AFDN: variants seen among roughly 807,000 people sequenced by gnomAD.
The protein encoded by AFDN is afadin.
A neutral mutation model predicts 216.6 loss-of-function variants in AFDN; 68 were observed. The observed-to-expected ratio is 0.31, with a 90% CI of 0.26 to 0.38. The LOEUF (loss-of-function observed/expected upper bound fraction) is 0.38. Ranked by LOEUF, AFDN falls within the 10% of genes least tolerant of loss-of-function variation. The pLI is 1.00. For missense variants in AFDN, 2,136 were observed against 2,342.0 expected, an observed-to-expected ratio of 0.91 and a Z score of 1.82; for synonymous variants, 868 against 853.7, an observed-to-expected ratio of 1.02 and a Z score of -0.29.
intron 2 of AFDN, among the ~76,000 whole-genome samples, chr6:167,868,493 A>G (rs1217008160): frequency 6.6e-6 from 1 of 152,170 alleles, no homozygotes; most frequent in East Asian, 1.9e-4. Context: ...TGAAAAAACA[A>G]AGACTTAATC....
intron 21 of AFDN, 77 bp downstream of exon 21, chr6:167,919,010 G>T: frequency 7.7e-7 from 1 of 1,295,002 alleles, no homozygotes; most frequent in East Asian, 2.5e-5. Flanking sequence ...CCATCTCATA[G>T]GGTAGTCCAC....
intron 32 of AFDN, chr6:167,968,764 G>A (rs531867077): frequency 2.2e-4 from 48 of 222,942 alleles, no homozygotes; most frequent in South Asian, 1.9e-3. Context: ...ACAATCCACC[G>A]AAGCCAGTAG....
intron 1 of AFDN, 41 bp downstream of exon 1, chr6:167,827,278 G>T (rs1028611757): frequency 2.3e-6 from 2 of 864,134 alleles, no homozygotes; most frequent in Non-Finnish European, 2.8e-6. Flanking sequence ...ACCCCCGCCC[G>T]CTGCGCCGCG....
At chr6:167,839,944 A>AT (rs546746962) in intron 1 of AFDN, among the ~76,000 whole-genome samples, 1 of 152,170 alleles carries the variant, frequency 6.6e-6, no homozygotes, top group Non-Finnish European at 1.5e-5. Flanking sequence ...CTTTGTACCC[A>AT]TTGTGTGTAC....
intron 1 of AFDN, among the ~76,000 whole-genome samples, chr6:167,839,552 C>A (rs1376484469): frequency 6.6e-6 from 1 of 152,110 alleles, no homozygotes; most frequent in Admixed American, 6.6e-5. Context: ...AGGAAGTGAA[C>A]AATTACCTAA....
chr6:167,950,611 C>T (rs185077195), intron 29 of AFDN, among the ~76,000 whole-genome samples: 7 of 152,288 alleles, frequency 4.6e-5, no homozygotes, highest in Admixed American at 2.0e-4. Flanking sequence ...TTGTAAAATG[C>T]AGAAAGTCAC....
intron 6 of AFDN, among the ~76,000 whole-genome samples, chr6:167,883,185 A>T (rs1480270171): frequency 1.3e-5 from 2 of 152,060 alleles, no homozygotes; most frequent in Non-Finnish European, 2.9e-5. Flanking sequence ...TGGGGAAGGA[A>T]AGTCCAGAAG....
intron 6 of AFDN, among the ~76,000 whole-genome samples, chr6:167,883,451 G>A (rs1384570899): frequency 6.6e-6 from 1 of 152,192 alleles, no homozygotes; most frequent in Non-Finnish European, 1.5e-5. Flanking sequence ...ACTCAGTGAC[G>A]TGTTGCTCTG....
At position 167,901,283 on chromosome 6, in the gene AFDN, T is replaced by G. The variant is rs141198555; in HGVS notation, c.1581-1034T>G. Among the ~76,000 whole-genome samples, 235 of 152,258 alleles carry G rather than the reference T, an allele frequency of 1.5e-3. 5 individuals are homozygous for G. Among genetic ancestry groups the G allele is most frequent in the East Asian group, 2.7e-3 (14 of 5,178 alleles). On this transcript the variant is annotated intron_variant, in intron 11 of 33. Coordinates refer to ENST00000683244, the MANE Select transcript of AFDN (RefSeq NM_001386888.1). ...TTAAATACTAATTCATCCTTGTTGG[T>G]TTCCAGGTGTTTTTAGGGCTTTTTT...
intron 1 of AFDN, among the ~76,000 whole-genome samples, chr6:167,858,357 G>T (rs777341461): frequency 2.6e-5 from 4 of 152,218 alleles, no homozygotes; most frequent in South Asian, 2.1e-4. Context: ...TTCTGGCAGA[G>T]AATTTTGTTT....
At chr6:167,826,797 G>T (rs1374234748), upstream of AFDN, 4 of 151,262 alleles carry the variant, frequency 2.6e-5, no homozygotes, top group South Asian at 7.6e-4. Flanking sequence ...CTAGTGGAGC[G>T]GCCCGGAGGT....
chr6:167,871,063 A>C (rs899533400), intron 3 of AFDN, among the ~76,000 whole-genome samples: 3 of 152,144 alleles, frequency 2.0e-5, no homozygotes, highest in African/African-American at 7.2e-5. Context: ...GTGATAGCAA[A>C]TGCAAAGGTT....
intron 15 of AFDN, among the ~76,000 whole-genome samples, chr6:167,913,013 T>G (rs1181084708): frequency 6.6e-6 from 1 of 152,206 alleles, no homozygotes; most frequent in African/African-American, 2.4e-5. Context: ...AGGGATGGAC[T>G]TTCACCTTAT....
intron 7 of AFDN, 106 bp from the exon 8 acceptor site, chr6:167,890,756 A>G (rs990590008): frequency 1.9e-6 from 2 of 1,065,942 alleles, no homozygotes; most frequent in African/African-American, 3.2e-5. Context: ...GATGTTCCTA[A>G]ATTACATGCA....
chr6:167,925,014 C>T lies in AFDN; in HGVS notation c.3022C>T (p.Leu1008=), dbSNP rs368099590. 63 of 1,612,366 alleles carry T rather than the reference C, an allele frequency of 3.9e-5. No individual in the cohort carries two copies. The highest frequency in any genetic ancestry group is 5.1e-5 in the Non-Finnish European group (60 of 1,178,500). Residue 1008 remains leucine (L), a synonymous_variant, in exon 23 of 34, where the codon CTG becomes TTG. Transcript: ENST00000683244. ...TGTTTTCATCCTTTAGGCTCAGCCT[C>T]TGAGGAAAGAACCTGAAATAATCAC... The part of the protein sequence containing the change: ...LRENTELAQP[L]RKEPEIITVT...
At chr6:167,884,987 A>T (rs1403624046) in intron 6 of AFDN, among the ~76,000 whole-genome samples, 1 of 152,206 alleles carries the variant, frequency 6.6e-6, no homozygotes, top group African/African-American at 2.4e-5. Context: ...AACTTGCTGC[A>T]GCTTCTCCAT....
At position 167,943,210 on chromosome 6, in the gene AFDN, AAAG is replaced by A. The variant is rs1267947040; in HGVS notation, c.3165+20_3165+22del. On this transcript the variant is annotated intron_variant, in intron 24 of 33. Coordinates refer to ENST00000683244, the MANE Select transcript of AFDN (RefSeq NM_001386888.1). ...TGCAGATGTGGTCAGTATCATTTTG[AAAG>A]AAGTACATTTTCAGTGTGTCATATA... The A allele has an allele frequency of 6.2e-7, 1 of 1,605,862 alleles. No homozygotes were observed. Among genetic ancestry groups the A allele is most frequent in the East Asian group, 2.2e-5 (1 of 44,842 alleles).
intron 5 of AFDN, among the ~76,000 whole-genome samples, chr6:167,879,702 G>A (rs1039535321): frequency 8.5e-5 from 13 of 152,150 alleles, no homozygotes; most frequent in African/African-American, 3.1e-4. Flanking sequence ...AAATTGCTCT[G>A]CTGTAGTTGG....
At chr6:167,928,886 A>G (rs1562691493) in intron 23 of AFDN, among the ~76,000 whole-genome samples, 1 of 152,230 alleles carries the variant, frequency 6.6e-6, no homozygotes, top group East Asian at 1.9e-4. Context: ...CAGAAGAAAC[A>G]CAGCCTTCTC....
Sources: gnomAD v4.1 joint callset for allele counts (sites outside exome capture counted in the v4.1 genomes callset) on GRCh38, gnomAD v4.1.1 for gene constraint, MANE v1.5 for transcripts, NCBI Gene and HGNC (gene_info 2026-07-23, HGNC 2026-07-21) for gene names.